IL7R: variants seen among roughly 807,000 people sequenced by gnomAD.
The protein encoded by IL7R is interleukin 7 receptor.
Under a neutral mutation model 47.0 loss-of-function variants are expected in IL7R, and 38 were observed. The ratio of observed to expected loss-of-function variants is 0.81; its 90% confidence interval spans 0.62 to 1.06. IL7R has a LOEUF of 1.06. Ranked by LOEUF, IL7R falls within the 50% of genes least tolerant of loss-of-function variation. IL7R has a pLI of 0.00. For synonymous variants in IL7R, 221 were observed against 199.8 expected, an observed-to-expected ratio of 1.11 and a Z score of -0.89; for missense variants, 633 against 534.8, an observed-to-expected ratio of 1.18 and a Z score of -1.81.
intron 3 of IL7R, among the ~76,000 whole-genome samples, chr5:35,870,271 G>C (rs547368250): frequency 1.3e-5 from 2 of 152,322 alleles, no homozygotes; most frequent in East Asian, 1.9e-4. Flanking sequence ...AGCATGTGTG[G>C]AGCATTTGAT....
At chr5:35,865,835 C>T (rs1759925424) in intron 2 of IL7R, among the ~76,000 whole-genome samples, 1 of 152,080 alleles carries the variant, frequency 6.6e-6, no homozygotes, top group African/African-American at 2.4e-5. Context: ...ATTTATGCAG[C>T]CAAAAGACAC....
intron 2 of IL7R, among the ~76,000 whole-genome samples, chr5:35,863,438 T>C (rs909609932): frequency 6.6e-6 from 1 of 152,042 alleles, no homozygotes; most frequent in Non-Finnish European, 1.5e-5. Flanking sequence ...CAGGAACCAT[T>C]CTCGAAAGGA....
chr5:35,868,351 A>G (rs528549837), intron 3 of IL7R, among the ~76,000 whole-genome samples: 13 of 152,376 alleles, frequency 8.5e-5, no homozygotes, highest in Non-Finnish European at 1.6e-4. Flanking sequence ...TAGAGATAAG[A>G]AAGAGTAAGA....
In IL7R at chr5:35,873,019, T is replaced by TG. The variant is rs937775495; in HGVS notation, c.538-459dup. ...CTTTTTATCTGTCAAATTGATAGAG[T>TG]GGTTTTTTTTTAATCTTAAAGATAA... On this transcript the variant is annotated intron_variant, in intron 4 of 7. Transcript: ENST00000303115. 2.8e-5 allele frequency among the ~76,000 whole-genome samples: 4 copies of TG among 142,640 alleles called. No individual in the cohort carries two copies. The East Asian group carries it at 8.0e-4, about 29-fold the overall frequency. 93.6% of individuals were successfully genotyped at this position (142,640 alleles called of 152,430 possible).
At chr5:35,857,751 C>T (rs1012893030) in intron 1 of IL7R, among the ~76,000 whole-genome samples, 3 of 152,052 alleles carry the variant, frequency 2.0e-5, no homozygotes, top group Admixed American at 1.3e-4. Flanking sequence ...ACCGAGAAGC[C>T]AACCCTGCCC....
At chr5:35,867,248 C>T (rs748202542) in intron 2 of IL7R, 58 bp from the exon 3 acceptor site, 1 of 1,462,914 alleles carries the variant, frequency 6.8e-7, no homozygotes, top group Non-Finnish European at 9.6e-7. Context: ...TGATACTATT[C>T]CACTGCATAC....
At position 35,876,250 on chromosome 5, in the gene IL7R, C is replaced by T. The variant is rs769324453; in HGVS notation, c.1144C>T (p.Leu382Phe). Residue 382 changes from leucine (L) to phenylalanine (F), a missense_variant, in exon 8 of 8, where the codon CTC becomes TTC. By Grantham distance (22) the Leu-to-Phe change is conservative. Coordinates refer to ENST00000303115, the MANE Select transcript of IL7R (RefSeq NM_002185.5). ...GNVSACDAPI[L>F]SSSRSLDCRE... ...TGTCAGTGCATGTGACGCCCCTATT[C>T]TCTCCTCTTCCAGGTCCCTAGACTG... 1 of 1,614,016 alleles carries T rather than the reference C, an allele frequency of 6.2e-7. No individual in the cohort carries two copies. The highest frequency in any genetic ancestry group is 8.5e-7 in the Non-Finnish European group (1 of 1,180,044).
chr5:35,873,253 C>G (rs1429968877), intron 4 of IL7R: 1 of 574,764 alleles, frequency 1.7e-6, no homozygotes, highest in African/African-American at 1.9e-5. Flanking sequence ...TAAGACCCAT[C>G]ATTTCACTCT....
At chr5:35,864,400 G>A (rs1261352451) in intron 2 of IL7R, among the ~76,000 whole-genome samples, 2 of 152,082 alleles carry the variant, frequency 1.3e-5, no homozygotes, top group African/African-American at 4.8e-5. Context: ...CCTCAGAATG[G>A]AATTGCTGTG....
In IL7R at chr5:35,857,023, C is replaced by G. The variant is rs950299369; in HGVS notation, c.46C>G (p.Gln16Glu). The change falls in exon 1 of 8, where the codon CAA becomes GAA. Residue 16 changes from glutamine (Q) to glutamate (E), a missense_variant. Physicochemically the swap from Gln to Glu is conservative, Grantham distance 29 (BLOSUM62 2). Coordinates refer to ENST00000303115, the MANE Select transcript of IL7R (RefSeq NM_002185.5). ...TTTTGGCATGGTTTTTTCTTTACTT[C>G]AAGTCGTTTCTGGAGAAAGTGGCTA... ...TTFGMVFSLLQVVSGESGYAQ... is the reference protein window; with the variant it reads ...TTFGMVFSLLEVVSGESGYAQ... 6.2e-7 allele frequency: 1 copy of G among 1,610,100 alleles called. No individual in the cohort carries two copies. The highest frequency in any genetic ancestry group is 1.1e-5 in the South Asian group (1 of 91,024).
chr5:35,874,499 G>C lies in IL7R; in HGVS notation c.757G>C (p.Val253Leu). 6.2e-7 allele frequency: 1 copy of C among 1,613,712 alleles called. No homozygotes were observed. Among genetic ancestry groups the C allele is most frequent in the Non-Finnish European group, 8.5e-7 (1 of 1,179,692 alleles). The change falls in exon 6 of 8, where the codon GTC becomes CTC. Residue 253 changes from valine (V) to leucine (L), a missense_variant. Transcript: ENST00000303115. The stretch of plus-strand genomic sequence containing the variant: ...CATCAGCATTTTGAGTTTTTTCTCT[G>C]TCGCTCTGTTGGTCATCTTGGCCTG... ...LTISILSFFS[V>L]ALLVILACVL...
chr5:35,868,047 A>C (rs1430806222), intron 3 of IL7R, among the ~76,000 whole-genome samples: 1 of 152,164 alleles, frequency 6.6e-6, no homozygotes, highest in East Asian at 1.9e-4. Context: ...GTAGGCTAGA[A>C]ATTCAGGAAA....
At chr5:35,860,338 T>A (rs972154859) in intron 1 of IL7R, among the ~76,000 whole-genome samples, 9 of 152,086 alleles carry the variant, frequency 5.9e-5, no homozygotes, top group African/African-American at 1.9e-4. Context: ...AAAAGCAAAA[T>A]TCTGACTGCA....
Position 35,876,105 on chromosome 5 carries a change from A to G in IL7R, c.999A>G (p.Glu333=), listed in dbSNP as rs1561425809. 6.2e-7 allele frequency: 1 copy of G among 1,614,106 alleles called. No individual in the cohort carries two copies. The highest frequency in any genetic ancestry group is 1.7e-5 in the Admixed American group (1 of 60,000). Reference sequence around the variant, plus strand: ...AAGATACGTTTCCTCAGCAACTAGAAGAATCTGAGAAGCAGAGGCTTGGAG... The same window carrying G: ...AAGATACGTTTCCTCAGCAACTAGAGGAATCTGAGAAGCAGAGGCTTGGAG... ...FLQDTFPQQL[E]ESEKQRLGGD... The change falls in exon 8 of 8, where the codon GAA becomes GAG. Residue 333 remains glutamate (E), a synonymous_variant. Transcript: ENST00000303115.
At position 35,857,023 on chromosome 5, in the gene IL7R, C is replaced by T; in HGVS notation, c.46C>T (p.Gln16Ter). The stretch of plus-strand genomic sequence containing the variant: ...TTTTGGCATGGTTTTTTCTTTACTT[C>T]AAGTCGTTTCTGGAGAAAGTGGCTA... ...TTFGMVFSLL[Q>*]VVSGESGYAQ... Residue 16 changes from glutamine to a stop codon, truncating the protein, a stop_gained, in exon 1 of 8, where the codon CAA becomes TAA. Transcript: ENST00000303115. LOFTEE classifies it high-confidence loss of function. The T allele has an allele frequency of 6.2e-7, 1 of 1,610,100 alleles. No homozygotes were observed. Among genetic ancestry groups the T allele is most frequent in the African/African-American group, 1.3e-5 (1 of 74,966 alleles).
chr5:35,876,117 G>A lies in IL7R; in HGVS notation c.1011G>A (p.Lys337=), dbSNP rs773859083. Residue 337 remains lysine (K), a synonymous_variant, in exon 8 of 8, where the codon AAG becomes AAA. Coordinates refer to ENST00000303115, the MANE Select transcript of IL7R (RefSeq NM_002185.5). ...CTCAGCAACTAGAAGAATCTGAGAAGCAGAGGCTTGGAGGGGATGTGCAGA... is the reference window on the plus strand; with the variant it reads ...CTCAGCAACTAGAAGAATCTGAGAAACAGAGGCTTGGAGGGGATGTGCAGA... ...TFPQQLEESE[K]QRLGGDVQSP... is the part of the protein sequence containing the mutation. The A allele has an allele frequency of 3.7e-6, 6 of 1,614,224 alleles. No individual in the cohort carries two copies. In the East Asian group the frequency reaches 8.9e-5, roughly 24 times the overall value.
chr5:35,866,118 C>A (rs895874874), intron 2 of IL7R, among the ~76,000 whole-genome samples: 15 of 152,072 alleles, frequency 9.9e-5, no homozygotes, highest in African/African-American at 2.7e-4. Flanking sequence ...GAGTTTTTAA[C>A]ATGAATAGAT....
At chr5:35,870,530 A>G (rs1449590861) in intron 3 of IL7R, among the ~76,000 whole-genome samples, 2 of 152,252 alleles carry the variant, frequency 1.3e-5, no homozygotes, top group African/African-American at 4.8e-5. Flanking sequence ...CTCATTAGTA[A>G]CAAGTTCTCC....
intron 1 of IL7R, among the ~76,000 whole-genome samples, chr5:35,857,627 T>C (rs1346061034): frequency 6.6e-6 from 1 of 152,148 alleles, no homozygotes; most frequent in Non-Finnish European, 1.5e-5. Flanking sequence ...TTTAAGTAAA[T>C]AACTGACTAG....
Sources: gnomAD v4.1 joint callset for allele counts (sites outside exome capture counted in the v4.1 genomes callset) on GRCh38, gnomAD v4.1.1 for gene constraint, MANE v1.5 for transcripts, NCBI Gene and HGNC (gene_info 2026-07-23, HGNC 2026-07-21) for gene names.